The following DPYS variants were observed in gnomAD, a reference collection of about 807,000 sequenced individuals.
DPYS encodes dihydropyrimidine amidohydrolase.
In DPYS, 39 loss-of-function variants were observed where a neutral mutation model predicts 50.3. The ratio of observed to expected loss-of-function variants is 0.78; its 90% CI spans 0.60 to 1.01. The LOEUF (loss-of-function observed/expected upper bound fraction) is 1.01. DPYS is among the 50% of genes least tolerant of loss of function. The probability of loss-of-function intolerance (pLI) is 0.00; values close to 1 mark genes in which losing one functional copy is unlikely to be tolerated. For missense variants in DPYS, 659 were observed against 680.9 expected (o/e 0.97, Z 0.36); for synonymous variants, 245 against 250.7 (o/e 0.98, Z 0.22).
intron 8 of DPYS, among the ~76,000 whole-genome samples, chr8:104,386,106 A>G (rs1405565464): frequency 6.6e-6 from 1 of 152,258 alleles, no homozygotes; most frequent in Non-Finnish European, 1.5e-5. Context: ...ATAGAGAGAC[A>G]GAAATGAAAA....
chr8:104,399,244 T>G (rs1309487824), intron 7 of DPYS, among the ~76,000 whole-genome samples: 1 of 127,444 alleles, frequency 7.8e-6, no homozygotes, highest in Non-Finnish European at 1.5e-5. Context: ...TGAGCCAAGA[T>G]GGTACCACTG....
intron 8 of DPYS, among the ~76,000 whole-genome samples, chr8:104,390,416 G>A (rs1811350105): frequency 6.6e-6 from 1 of 151,972 alleles, no homozygotes; most frequent in African/African-American, 2.4e-5. Context: ...ATATAAGCAG[G>A]GTTTATGTCC....
At chr8:104,381,403 T>TA (rs1811032398) in intron 8 of DPYS, 89 bp from the exon 9 acceptor site, 4 of 1,196,380 alleles carry the variant, frequency 3.3e-6, no homozygotes, top group Non-Finnish European at 5.0e-6. Context: ...GCGAGAGCTT[T>TA]AAAAAAAGAA....
At chr8:104,422,481 G>A (rs974779465) in intron 7 of DPYS, among the ~76,000 whole-genome samples, 13 of 152,090 alleles carry the variant, frequency 8.5e-5, no homozygotes, top group Non-Finnish European at 1.6e-4. Flanking sequence ...TCACTTACAC[G>A]GTTGTACAGC....
At chr8:104,423,689 T>C (rs556327009) in intron 7 of DPYS, among the ~76,000 whole-genome samples, 262 of 152,320 alleles carry the variant, frequency 1.7e-3, no homozygotes, top group African/African-American at 5.8e-3. Context: ...CCAGTCTCTA[T>C]TGACTGCTTT....
chr8:104,448,493 T>C (rs1191053561), intron 2 of DPYS, among the ~76,000 whole-genome samples: 2 of 152,042 alleles, frequency 1.3e-5, no homozygotes, highest in Non-Finnish European at 2.9e-5. Context: ...CAAGTCTCAA[T>C]AAGGATCAAA....
chr8:104,429,482 A>C, intron 5 of DPYS, 63 bp downstream of exon 5: 1 of 1,604,762 alleles, frequency 6.2e-7, no homozygotes, highest in South Asian at 1.1e-5. Flanking sequence ...TGGGAGGACG[A>C]GCTCCCTTCT....
Position 104,424,491 on chromosome 8 carries a change from C to T in DPYS, c.1093-102G>A. ...ATCTCTTAAACAAACAGAACTGCAC[C>T]TAATTTCTTATATTGTAGAGCATCT... On this transcript the variant is annotated intron_variant, in intron 6 of 9. Transcript: ENST00000351513. The T allele has an allele frequency of 3.2e-6, 4 of 1,236,998 alleles. No homozygotes were observed. In the South Asian group the frequency reaches 5.2e-5, roughly 16 times the overall value. The allele number at this position is 1,236,998 out of a possible 1,614,324, so 76.6% of individuals were successfully genotyped here.
At chr8:104,434,485 C>A (rs1813060748) in intron 4 of DPYS, among the ~76,000 whole-genome samples, 1 of 152,186 alleles carries the variant, frequency 6.6e-6, no homozygotes. Flanking sequence ...GGGGTCCATT[C>A]AGATGGTTAA....
chr8:104,390,600 C>T (rs1811356674), intron 8 of DPYS, among the ~76,000 whole-genome samples: 1 of 151,768 alleles, frequency 6.6e-6, no homozygotes, highest in Admixed American at 6.6e-5. Flanking sequence ...CAGGTTCAAG[C>T]TATTCTCGTG....
intron 7 of DPYS, among the ~76,000 whole-genome samples, chr8:104,414,782 G>A (rs748959677): frequency 2.0e-5 from 3 of 152,162 alleles, no homozygotes; most frequent in South Asian, 4.2e-4. Context: ...CTCCATAACC[G>A]ATGGCCATAA....
At position 104,440,935 on chromosome 8, in the gene DPYS, T is replaced by C. The variant is rs190687197; in HGVS notation, c.793+3313A>G. Reference sequence around the variant, plus strand: ...ATAAATGAGTACAGACAGCATCTTCTGTAAAAGGTCAGTGTGGTCCAACAG... The same window carrying C: ...ATAAATGAGTACAGACAGCATCTTCCGTAAAAGGTCAGTGTGGTCCAACAG... On this transcript the variant is annotated intron_variant, in intron 4 of 9. Coordinates refer to ENST00000351513, the MANE Select transcript of DPYS (RefSeq NM_001385.3). Among the ~76,000 whole-genome samples the C allele has an allele frequency of 4.6e-5, 7 of 152,324 alleles. No individual in the cohort carries two copies. In the East Asian group the frequency reaches 9.6e-4, roughly 21 times the overall value.
At chr8:104,384,637 T>C (rs1480045483) in intron 8 of DPYS, among the ~76,000 whole-genome samples, 1 of 152,240 alleles carries the variant, frequency 6.6e-6, no homozygotes, top group Non-Finnish European at 1.5e-5. Flanking sequence ...GAGCCATTGC[T>C]TAATGCATGT....
chr8:104,392,902 G>A lies in DPYS; in HGVS notation c.1325C>T (p.Ser442Leu), dbSNP rs1811442912. Reference sequence around the variant, plus strand: ...GGCTTCATATACCACTTTGCCTCTTGAAATAGTCACAAGGGGCACCCCGTG... The same window carrying A: ...GGCTTCATATACCACTTTGCCTCTTAAAATAGTCACAAGGGGCACCCCGTG... ...VCHGVPLVTI[S>L]RGKVVYEAGV... Residue 442 changes from serine to leucine, a missense_variant, in exon 8 of 10, where the codon TCA (serine) becomes TTA (leucine). By Grantham distance (145) the Ser-to-Leu change is moderately radical. Coordinates refer to ENST00000351513, the MANE Select transcript of DPYS (RefSeq NM_001385.3). The A allele has an allele frequency of 1.9e-6, 3 of 1,614,070 alleles. No individual in the cohort carries two copies. In the South Asian group the frequency reaches 3.3e-5, roughly 18 times the overall value.
In DPYS at chr8:104,427,398, C is replaced by A. The variant is rs1812767175; in HGVS notation, c.1092+582G>T. Reference sequence around the variant, plus strand: ...AGTTCAAGCAATTCTCCTGCCTCAGCCTCCTGAGTAGCTGGGATTACAGCC... The same window carrying A: ...AGTTCAAGCAATTCTCCTGCCTCAGACTCCTGAGTAGCTGGGATTACAGCC... On this transcript the variant is annotated intron_variant, in intron 6 of 9. Coordinates refer to ENST00000351513, the MANE Select transcript of DPYS (RefSeq NM_001385.3). Among the ~76,000 whole-genome samples, 6 of 151,208 alleles carry A rather than the reference C, an allele frequency of 4.0e-5. 1 individual carries two copies. The highest frequency in any genetic ancestry group is 3.9e-4 in the Admixed American group (6 of 15,208).
intron 4 of DPYS, among the ~76,000 whole-genome samples, chr8:104,441,473 A>G (rs1813353990): frequency 6.6e-6 from 1 of 152,190 alleles, no homozygotes; most frequent in Non-Finnish European, 1.5e-5. Flanking sequence ...TGAAATGGGG[A>G]GATTATCCTG....
chr8:104,405,198 G>A lies in DPYS; in HGVS notation c.1236-12207C>T, dbSNP rs143309334. 2.0e-3 allele frequency among the ~76,000 whole-genome samples: 310 copies of A among 152,310 alleles called. 1 individual carries two copies. Among genetic ancestry groups the A allele is most frequent in the African/African-American group, 5.6e-3 (231 of 41,568 alleles). On this transcript the variant is annotated intron_variant, in intron 7 of 9. Coordinates refer to ENST00000351513, the MANE Select transcript of DPYS (RefSeq NM_001385.3). ...ATCTCTGTATTCCGAGTACTTTCAGGTACATTGCCTCATTGAATCTCTCAA... is the reference window on the plus strand; with the variant it reads ...ATCTCTGTATTCCGAGTACTTTCAGATACATTGCCTCATTGAATCTCTCAA...
chr8:104,451,157 A>G, intron 2 of DPYS, 89 bp downstream of exon 2: 1 of 1,548,374 alleles, frequency 6.5e-7, no homozygotes, highest in Non-Finnish European at 8.9e-7. Flanking sequence ...CCTGTTGTCT[A>G]GGAAGCAATC....
In DPYS at chr8:104,444,230, G is replaced by A; in HGVS notation, c.793+18C>T. 6.2e-7 allele frequency: 1 copy of A among 1,613,916 alleles called. No homozygotes were observed. Among genetic ancestry groups the A allele is most frequent in the Non-Finnish European group, 8.5e-7 (1 of 1,179,954 alleles). On this transcript the variant is annotated intron_variant, in intron 4 of 9. Transcript: ENST00000351513. The stretch of plus-strand genomic sequence containing the variant: ...CAGCTAACACTGAGTTCTAAGTGAG[G>A]TTACATTCGAGAATTACCATCTCTC...
Sources: gnomAD v4.1 joint callset for allele counts (sites outside exome capture counted in the v4.1 genomes callset) on GRCh38, gnomAD v4.1.1 for gene constraint, MANE v1.5 for transcripts, NCBI Gene and HGNC (gene_info 2026-07-23, HGNC 2026-07-21) for gene names.